Variants in C8B observed in about 807,000 individuals in gnomAD.
C8B encodes the protein complement C8 beta chain, also known as complement component C8 beta chain.
In C8B, 67 loss-of-function variants were observed where a neutral mutation model predicts 64.6. The ratio of observed to expected loss-of-function variants is 1.04; its 90% CI spans 0.85 to 1.27. The LOEUF (loss-of-function observed/expected upper bound fraction) is 1.27, where lower values mean the gene tolerates loss of function less well. Among genes scored for constraint, C8B ranks in the 50% most tolerant of loss-of-function variants. The pLI, the probability that C8B is intolerant of heterozygous loss-of-function variation, is 0.00. For missense variants in C8B, 790 were observed against 725.2 expected (o/e 1.09, Z -1.03); for synonymous variants, 284 against 257.7 (o/e 1.10, Z -0.98).
At chr1:56,956,744 C>T (rs952374036) in intron 3 of C8B, 25 bp downstream of exon 3, 1 of 1,612,660 alleles carries the variant, frequency 6.2e-7, no homozygotes, top group Non-Finnish European at 8.5e-7. Context: ...AGGCTTTCCC[C>T]TCTTACTCCT....
Position 56,952,195 on chromosome 1 carries a change from C to A in C8B, c.534-15G>T. 2 of 1,614,016 alleles carry A rather than the reference C, an allele frequency of 1.2e-6. No homozygotes were observed. Among genetic ancestry groups the A allele is most frequent in the Non-Finnish European group, 1.7e-6 (2 of 1,180,000 alleles). ...ACAAATTTATCCTGTGAGGAAGAGA[C>A]AGAGATGGCGAAGAGGTTAAAGTTT... is the stretch of plus-strand genomic sequence containing the variant. On this transcript the variant is annotated splice_polypyrimidine_tract_variant and intron_variant, in intron 4 of 11. Transcript: ENST00000371237.
At chr1:56,960,217 G>A in intron 1 of C8B, 41 bp from the exon 2 acceptor site, 1 of 1,550,242 alleles carries the variant, frequency 6.5e-7, no homozygotes, top group East Asian at 2.3e-5. Flanking sequence ...GTATCAGAAG[G>A]GAATTAAGTA....
In C8B at chr1:56,960,190, T is replaced by G; in HGVS notation, c.93-14A>C. The G allele has an allele frequency of 3.7e-6, 6 of 1,613,588 alleles. No individual in the cohort carries two copies. In the Middle Eastern group the frequency reaches 6.6e-4, roughly 178 times the overall value. ...GGCCTTTCACCTCTAAAAGTCATTATGAGAGAAGAGAGTCACGTATCAGAA... is the reference window on the plus strand; with the variant it reads ...GGCCTTTCACCTCTAAAAGTCATTAGGAGAGAAGAGAGTCACGTATCAGAA... On this transcript the variant is annotated splice_polypyrimidine_tract_variant and intron_variant, in intron 1 of 11. Coordinates refer to ENST00000371237, the MANE Select transcript of C8B (RefSeq NM_000066.4).
intron 1 of C8B, among the ~76,000 whole-genome samples, chr1:56,963,082 C>G (rs1463865480): frequency 6.6e-6 from 1 of 152,182 alleles, no homozygotes; most frequent in East Asian, 1.9e-4. Flanking sequence ...CCTTGCTCAG[C>G]TCCTTGAACA....
Position 56,945,918 on chromosome 1 carries a change from G to C in C8B, c.1008C>G (p.Leu336=), listed in dbSNP as rs751087776. The C allele has an allele frequency of 1.1e-5, 17 of 1,614,036 alleles. No homozygotes were observed. The highest frequency in any genetic ancestry group is 1.4e-5 in the Non-Finnish European group (17 of 1,180,032). ...TGTAGTGGGTCCCAAAATCACGGAA[G>C]AGATCTCTGTATTCCCCGTAGCTGT... ...LEYSYGEYRD[L]FRDFGTHYIT... is the part of the protein sequence containing the mutation. Residue 336 remains leucine (L), a synonymous_variant, in exon 7 of 12, where the codon CTC becomes CTG. Transcript: ENST00000371237.
At chr1:56,949,006 C>CT (rs1239787525) in intron 6 of C8B, among the ~76,000 whole-genome samples, 3 of 127,440 alleles carry the variant, frequency 2.4e-5, no homozygotes, top group Non-Finnish European at 1.7e-5. Flanking sequence ...AGTAAGTTAG[C>CT]TATTTTTTTT....
At position 56,938,308 on chromosome 1, in the gene C8B, A is replaced by G. The variant is rs538798689; in HGVS notation, c.1398+2541T>C. 2.6e-5 allele frequency among the ~76,000 whole-genome samples: 4 copies of G among 152,250 alleles called. No individual in the cohort carries two copies. The South Asian group carries it at 8.3e-4, about 32-fold the overall frequency. ...CACTGTCTCAATTTTCTGCAATGTC[A>G]ATTCTGTCGTTTATAGCTTCCAATG... On this transcript the variant is annotated intron_variant, in intron 9 of 11. Transcript: ENST00000371237.
intron 5 of C8B, among the ~76,000 whole-genome samples, chr1:56,950,560 C>T (rs1248036140): frequency 2.0e-5 from 3 of 152,152 alleles, no homozygotes; most frequent in African/African-American, 7.2e-5. Context: ...CAGCTTCTGC[C>T]CATTCAGCCT....
rs1017834384 is a variant in C8B at position 56,936,210 on chromosome 1, T to A, written c.1399-2722A>T. Among the ~76,000 whole-genome samples, 18 of 152,242 alleles carry A rather than the reference T, an allele frequency of 1.2e-4. 1 individual carries two copies. Among genetic ancestry groups the A allele is most frequent in the Non-Finnish European group, 1.2e-4 (8 of 68,044 alleles). On this transcript the variant is annotated intron_variant, in intron 9 of 11. Transcript: ENST00000371237. Reference sequence around the variant, plus strand: ...GATGAAAAGCTATAAGCATTTTTAATGTTCTGAATATATCTGCTTAAATTC... The same window carrying A: ...GATGAAAAGCTATAAGCATTTTTAAAGTTCTGAATATATCTGCTTAAATTC...
chr1:56,948,170 A>G (rs899467640), intron 6 of C8B, among the ~76,000 whole-genome samples: 4 of 152,154 alleles, frequency 2.6e-5, no homozygotes, highest in Non-Finnish European at 5.9e-5. Flanking sequence ...ATGGGGAGGG[A>G]GTAAGCAATA....
At chr1:56,963,390 T>A (rs996166631) in intron 1 of C8B, among the ~76,000 whole-genome samples, 1 of 152,170 alleles carries the variant, frequency 6.6e-6, no homozygotes, top group Non-Finnish European at 1.5e-5. Flanking sequence ...TGCATCCCCT[T>A]TGCAAACAGC....
At chr1:56,963,614 T>G (rs1645210791) in intron 1 of C8B, among the ~76,000 whole-genome samples, 4 of 151,930 alleles carry the variant, frequency 2.6e-5, no homozygotes, top group African/African-American at 4.8e-5. Flanking sequence ...GGACAACGCA[T>G]TAGTGAGAAG....
chr1:56,942,574 A>C (rs2101393813), intron 8 of C8B, among the ~76,000 whole-genome samples: 1 of 152,158 alleles, frequency 6.6e-6, no homozygotes, highest in East Asian at 1.9e-4. Flanking sequence ...GCGTGGTGGC[A>C]CATGCCTGTA....
At chr1:56,959,414 G>T in intron 2 of C8B, 1 of 680,836 alleles carries the variant, frequency 1.5e-6, no homozygotes, top group Admixed American at 2.2e-5. Context: ...TATCCAACTG[G>T]AGGTAGGGCT....
In C8B at chr1:56,960,005, G is replaced by A; in HGVS notation, c.249+15C>T. ...CTCCTGGAAGCTTAGAGCTGTCCCA[G>A]GCCTGGTTGCTTACCCTTTTCTTCT... On this transcript the variant is annotated intron_variant, in intron 2 of 11. Coordinates refer to ENST00000371237, the MANE Select transcript of C8B (RefSeq NM_000066.4). 1 of 1,614,088 alleles carries A rather than the reference G, an allele frequency of 6.2e-7. No homozygotes were observed. The highest frequency in any genetic ancestry group is 1.7e-5 in the Admixed American group (1 of 60,018).
intron 7 of C8B, among the ~76,000 whole-genome samples, chr1:56,944,502 G>A (rs764349236): frequency 6.6e-6 from 1 of 152,184 alleles, no homozygotes; most frequent in African/African-American, 2.4e-5. Flanking sequence ...TTTTCCCAAA[G>A]TGCATTTCTT....
intron 2 of C8B, among the ~76,000 whole-genome samples, chr1:56,958,684 T>C (rs1645135846): frequency 6.6e-6 from 1 of 152,170 alleles, no homozygotes; most frequent in Admixed American, 6.5e-5. Context: ...AGAGGAGCTC[T>C]GGCTGCCAGG....
chr1:56,944,340 C>T (rs72915491), intron 7 of C8B, among the ~76,000 whole-genome samples: 3,255 of 152,256 alleles, frequency 0.021, 106 homozygotes, highest in African/African-American at 0.072. Context: ...CTTCTTCCTC[C>T]CTAATTCTCC....
chr1:56,932,123 C>A (rs1644710895), intron 10 of C8B, among the ~76,000 whole-genome samples: 1 of 152,216 alleles, frequency 6.6e-6, no homozygotes, highest in Admixed American at 6.5e-5. Flanking sequence ...TACTCATGAG[C>A]TGACATTTGA....
Sources: allele counts gnomAD v4.1 joint callset (sites outside exome capture counted in the v4.1 genomes callset), GRCh38; gene constraint gnomAD v4.1.1; transcripts MANE v1.5; gene names NCBI Gene and HGNC (gene_info 2026-07-23, HGNC 2026-07-21).